SMYD3: variants seen among roughly 807,000 people sequenced by gnomAD.
SMYD3 encodes the protein histone-lysine N-methyltransferase SMYD3.
SMYD3 carries 36 observed loss-of-function variants against 57.7 expected under a neutral mutation model. The observed-to-expected ratio is 0.62, with a 90% CI of 0.48 to 0.82. SMYD3 has a LOEUF of 0.82. Ranked by LOEUF, SMYD3 falls within the 40% of genes least tolerant of loss-of-function variation. The pLI, the probability that SMYD3 is intolerant of heterozygous loss-of-function variation, is 0.00. For missense variants in SMYD3, 515 were observed against 538.8 expected, an observed-to-expected ratio of 0.96 and a Z score of 0.44; for synonymous variants, 211 against 195.0, an observed-to-expected ratio of 1.08 and a Z score of -0.68.
intron 1 of SMYD3, among the ~76,000 whole-genome samples, chr1:246,363,302 G>T (rs1315093973): frequency 2.7e-5 from 4 of 147,790 alleles, no homozygotes; most frequent in African/African-American, 2.5e-5. Context: ...GAGGTGGGGG[G>T]GTCAGCCCCC....
intron 5 of SMYD3, among the ~76,000 whole-genome samples, chr1:245,955,255 C>T (rs1184746277): frequency 4.6e-4 from 1 of 2,154 alleles, no homozygotes; most frequent in Non-Finnish European, 7.9e-3. Flanking sequence ...CCATACCTGG[C>T]TAATTTTTTT....
At chr1:246,018,523 T>C (rs1429283032) in intron 5 of SMYD3, among the ~76,000 whole-genome samples, 3 of 152,258 alleles carry the variant, frequency 2.0e-5, no homozygotes, top group African/African-American at 7.2e-5. Flanking sequence ...CTGAATATTT[T>C]AAATGTTTGC....
At chr1:245,944,910 G>T (rs2057381077) in intron 5 of SMYD3, among the ~76,000 whole-genome samples, 1 of 152,024 alleles carries the variant, frequency 6.6e-6, no homozygotes, top group Non-Finnish European at 1.5e-5. Context: ...TTAAAAAATG[G>T]TACTGGGGGA....
At chr1:246,287,163 T>C (rs1001056974) in intron 5 of SMYD3, among the ~76,000 whole-genome samples, 14 of 152,204 alleles carry the variant, frequency 9.2e-5, no homozygotes, top group African/African-American at 9.7e-5. Context: ...TGAGCCACAG[T>C]GCCCAGCCTA....
At chr1:246,365,493 TA>T (rs10542908) in intron 1 of SMYD3, among the ~76,000 whole-genome samples, 40,718 of 89,424 alleles carry the variant, frequency 0.46, 8,778 homozygotes, top group Middle Eastern at 0.61. Flanking sequence ...AGACCCTGTC[TA>T]AAAAAAAAAA....
At chr1:245,859,578 G>C (rs1366831592) in intron 9 of SMYD3, among the ~76,000 whole-genome samples, 2 of 152,136 alleles carry the variant, frequency 1.3e-5, no homozygotes, top group African/African-American at 2.4e-5. Context: ...GAATTCTCTG[G>C]GAAACACAGC....
chr1:246,085,417 T>A (rs1427236078), intron 5 of SMYD3, among the ~76,000 whole-genome samples: 1 of 151,940 alleles, frequency 6.6e-6, no homozygotes, highest in East Asian at 1.9e-4. Context: ...ACCTTCCCCC[T>A]CCCCTTCTCC....
intron 5 of SMYD3, among the ~76,000 whole-genome samples, chr1:245,963,322 G>A (rs2058058222): frequency 6.6e-6 from 1 of 152,124 alleles, no homozygotes; most frequent in South Asian, 2.1e-4. Context: ...TAAGGTCACA[G>A]GGCAAGCTGC....
intron 8 of SMYD3, among the ~76,000 whole-genome samples, chr1:245,871,546 T>C (rs1324446757): frequency 1.3e-5 from 2 of 152,314 alleles, no homozygotes; most frequent in South Asian, 2.1e-4. Flanking sequence ...CACGATCAAA[T>C]TGTAGTATGT....
intron 5 of SMYD3, among the ~76,000 whole-genome samples, chr1:246,253,867 T>C (rs78766968): frequency 0.014 from 2,098 of 152,324 alleles, 45 homozygotes; most frequent in African/African-American, 0.047. Context: ...ATGTATCCAT[T>C]AATGGGACTG....
intron 10 of SMYD3, among the ~76,000 whole-genome samples, chr1:245,769,841 G>GT (rs11389662): frequency 0.18 from 26,883 of 152,164 alleles, 2,543 homozygotes; most frequent in East Asian, 0.32. Context: ...ATCTGTGGAT[G>GT]TTTAAGTCTC....
chr1:245,891,579 A>T (rs543237250), intron 8 of SMYD3, among the ~76,000 whole-genome samples: 1 of 152,266 alleles, frequency 6.6e-6, no homozygotes, highest in South Asian at 2.1e-4. Flanking sequence ...TGCTATGTAC[A>T]CCCCCTCAGT....
intron 5 of SMYD3, chr1:246,326,331 G>A (rs1454538067): frequency 1.5e-6 from 1 of 687,368 alleles, no homozygotes; most frequent in South Asian, 1.6e-5. Flanking sequence ...ATAGCAGTGA[G>A]GGGGTGTTTC....
At chr1:246,167,881 C>T (rs763944965) in intron 5 of SMYD3, among the ~76,000 whole-genome samples, 2 of 152,130 alleles carry the variant, frequency 1.3e-5, no homozygotes, top group Non-Finnish European at 2.9e-5. Context: ...GCTTGTCGGC[C>T]ATTTGTATAT....
chr1:246,480,764 C>G (rs2068089232), intron 1 of SMYD3, among the ~76,000 whole-genome samples: 1 of 152,056 alleles, frequency 6.6e-6, no homozygotes, highest in Admixed American at 6.6e-5. Flanking sequence ...AATCTCAATG[C>G]AATTATCCAA....
rs61263648 is a variant in SMYD3, at chr1:246,436,900, C to CTTTTTTTT, written c.164+70146_164+70153dup. 9.3e-5 allele frequency among the ~76,000 whole-genome samples: 12 copies of CTTTTTTTT among 128,432 alleles called. No individual in the cohort carries two copies. In the East Asian group the frequency reaches 1.2e-3, roughly 13 times the overall value. The allele number at this position is 128,432 out of a possible 152,430, so 84.3% of individuals were successfully genotyped here. A position where few individuals can be genotyped will look rare whatever the true frequency, so the allele number is the denominator to read the frequency against. ...ATAAGGGTCCTGCCAGAGTTTCTTT[C>CTTTTTTTT]TTTTTTTTTTTTTTTTTTGAGACAG... On this transcript the variant is annotated intron_variant, in intron 1 of 11. Transcript: ENST00000490107.
At chr1:246,183,256 A>G (rs1235898007) in intron 5 of SMYD3, among the ~76,000 whole-genome samples, 1 of 152,132 alleles carries the variant, frequency 6.6e-6, no homozygotes, top group African/African-American at 2.4e-5. Context: ...ATACTTTTCA[A>G]TTAGACTAAC....
intron 5 of SMYD3, among the ~76,000 whole-genome samples, chr1:245,931,336 ACAGCCAAC>A (rs2147853653): frequency 6.6e-6 from 1 of 152,342 alleles, no homozygotes; most frequent in East Asian, 1.9e-4. Context: ...ACTGGGTAGC[ACAGCCAAC>A]AGGCCTTACT....
intron 1 of SMYD3, among the ~76,000 whole-genome samples, chr1:246,414,628 C>T (rs987256675): frequency 3.3e-5 from 5 of 151,512 alleles, no homozygotes; most frequent in Non-Finnish European, 7.4e-5. Flanking sequence ...AATGCACACA[C>T]ACACACAAAT....
Sources: allele counts gnomAD v4.1 joint callset (sites outside exome capture counted in the v4.1 genomes callset), GRCh38; gene constraint gnomAD v4.1.1; transcripts MANE v1.5; gene names NCBI Gene and HGNC (gene_info 2026-07-23, HGNC 2026-07-21).